Variants in CREBBP observed in about 807,000 individuals in gnomAD.
The protein encoded by CREBBP is CREB-binding protein.
In CREBBP, 19 loss-of-function variants were observed where a neutral mutation model predicts 265.0. The observed-to-expected ratio is 0.07, with a 90% CI of 0.05 to 0.11. The LOEUF (loss-of-function observed/expected upper bound fraction) is 0.11, where lower values mean the gene tolerates loss of function less well. Ranked by LOEUF, CREBBP falls within the 10% of genes least tolerant of loss-of-function variation. The probability of loss-of-function intolerance (pLI) is 1.00; values close to 1 mark genes in which losing one functional copy is unlikely to be tolerated. For synonymous variants in CREBBP, 1,457 were observed against 1,223.7 expected, an observed-to-expected ratio of 1.19 and a Z score of -3.98; for missense variants, 2,525 against 3,219.0, an observed-to-expected ratio of 0.78 and a Z score of 5.22.
intron 2 of CREBBP, among the ~76,000 whole-genome samples, chr16:3,829,125 C>T (rs2054294662): frequency 1.3e-5 from 2 of 151,370 alleles, no homozygotes; most frequent in African/African-American, 4.9e-5. Context: ...GACAGATGGA[C>T]AGCAAATTAC....
chr16:3,728,458 G>A lies in CREBBP; in HGVS notation c.6589C>T (p.Leu2197=), dbSNP rs750753767. Residue 2197 remains leucine, a synonymous_variant, in exon 31 of 31, where the codon CTG becomes TTG. Transcript: ENST00000262367. This position sits in a 1 kb window ranked among gnomAD's most constrained non-coding sequence, Gnocchi z 8.7. ...PQYREMLRRQ[L]LQQQQQQQQQ... Reference sequence around the variant, plus strand: ...TGCTGTTGCTGCTGCTGCTGCAGCAGCTGCCTCCGTAACATTTCTCGGTAC... The same window carrying A: ...TGCTGTTGCTGCTGCTGCTGCAGCAACTGCCTCCGTAACATTTCTCGGTAC... 6.2e-7 allele frequency: 1 copy of A among 1,613,838 alleles called. No homozygotes were observed. The highest frequency in any genetic ancestry group is 1.7e-5 in the Admixed American group (1 of 60,028).
At chr16:3,801,728 G>A (rs1409258383) in intron 3 of CREBBP, among the ~76,000 whole-genome samples, 1 of 152,144 alleles carries the variant, frequency 6.6e-6, no homozygotes, top group East Asian at 1.9e-4. Flanking sequence ...GTGTGATGCT[G>A]GTAATCGGGT....
chr16:3,862,789 C>CT (rs1264795814), intron 1 of CREBBP, among the ~76,000 whole-genome samples: 2 of 152,180 alleles, frequency 1.3e-5, no homozygotes, highest in East Asian at 3.9e-4. Flanking sequence ...CCAGCTTTGC[C>CT]TGCCTGCCTT....
At chr16:3,783,923 C>T (rs1377460066) in intron 5 of CREBBP, among the ~76,000 whole-genome samples, 1 of 152,210 alleles carries the variant, frequency 6.6e-6, no homozygotes, top group Non-Finnish European at 1.5e-5. Flanking sequence ...ACCCACCTAC[C>T]TACCCACCTG....
In CREBBP at chr16:3,788,060, G is replaced by C. The variant is rs549102326; in HGVS notation, c.1330+3921C>G. 1.4e-3 allele frequency among the ~76,000 whole-genome samples: 207 copies of C among 152,342 alleles called. 1 individual carries two copies. Among genetic ancestry groups the C allele is most frequent in the Non-Finnish European group, 1.9e-3 (127 of 68,018 alleles). On this transcript the variant is annotated intron_variant, in intron 5 of 30. Transcript: ENST00000262367. ...AAGCAGTGGGAGCTACACTCATGGA[G>C]ATGCCGGGCAGCAGCTGGGGCCATG... is the stretch of plus-strand genomic sequence containing the variant.
chr16:3,758,985 C>T lies in CREBBP; in HGVS notation c.3251-13G>A, dbSNP rs1347139615. 1 of 1,585,360 alleles carries T rather than the reference C, an allele frequency of 6.3e-7. No homozygotes were observed. Among genetic ancestry groups the T allele is most frequent in the South Asian group, 1.1e-5 (1 of 90,520 alleles). On this transcript the variant is annotated splice_polypyrimidine_tract_variant and intron_variant, in intron 16 of 30. Coordinates refer to ENST00000262367, the MANE Select transcript of CREBBP (RefSeq NM_004380.3). ...TCTGGTTTAAAGACTGCAGAGAAAA[C>T]ATCAAGAAAAGACACTTTGTAAAAG...
chr16:3,779,148 CAG>C (rs2053215770), intron 8 of CREBBP, among the ~76,000 whole-genome samples: 2 of 148,058 alleles, frequency 1.4e-5, no homozygotes. Flanking sequence ...GCCTGGGCGA[CAG>C]AGTCAGACTC....
At chr16:3,805,449 A>C (rs1306021106) in intron 3 of CREBBP, among the ~76,000 whole-genome samples, 1 of 152,228 alleles carries the variant, frequency 6.6e-6, no homozygotes, top group Non-Finnish European at 1.5e-5. Flanking sequence ...TGATTTTACA[A>C]TTTCTACTTG....
rs61731377 is a variant in CREBBP at position 3,769,231 on chromosome 16, G to C, written c.3003C>G (p.Thr1001=). 2.5e-6 allele frequency: 4 copies of C among 1,613,966 alleles called. No homozygotes were observed. Among genetic ancestry groups the C allele is most frequent in the Admixed American group, 1.7e-5 (1 of 59,986 alleles). Residue 1001 remains threonine, a synonymous_variant, in exon 15 of 31, where the codon ACC becomes ACG. Transcript: ENST00000262367. ...GATCGGGCTCAGTGTCCTCTGCTTG[G>C]GTCTCCGTCTTCATTTCCAGCACAG... is the stretch of plus-strand genomic sequence containing the variant. ...DVPVLEMKTE[T]QAEDTEPDPG... is the part of the protein sequence containing the mutation.
chr16:3,751,627 A>C, intron 20 of CREBBP, 99 bp downstream of exon 20: 4 of 1,222,382 alleles, frequency 3.3e-6, no homozygotes, highest in Non-Finnish European at 4.8e-6. Context: ...AAGGAAGTCA[A>C]AATGGCACCG....
intron 24 of CREBBP, 96 bp downstream of exon 24, chr16:3,740,303 G>A (rs1312332546): frequency 2.0e-6 from 3 of 1,482,336 alleles, no homozygotes; most frequent in Admixed American, 1.7e-5. Flanking sequence ...AGTCTTGGAA[G>A]GATGACCTCA....
At chr16:3,747,373 G>A (rs192786851) in intron 21 of CREBBP, among the ~76,000 whole-genome samples, 9 of 152,334 alleles carry the variant, frequency 5.9e-5, no homozygotes, top group Admixed American at 2.0e-4. Context: ...TAGGGGCCTT[G>A]TAGTTTTATT....
intron 30 of CREBBP, among the ~76,000 whole-genome samples, chr16:3,730,299 G>C (rs1299381976): frequency 1.3e-5 from 2 of 152,140 alleles, no homozygotes; most frequent in African/African-American, 4.8e-5. Flanking sequence ...GCCACAGCCT[G>C]TCCAACTCCT....
At chr16:3,766,837 T>C (rs1488204053) in intron 16 of CREBBP, among the ~76,000 whole-genome samples, 1 of 152,144 alleles carries the variant, frequency 6.6e-6, no homozygotes, top group East Asian at 1.9e-4. Context: ...TTCTCAACTT[T>C]AGTTTCCAGT....
chr16:3,880,565 G>C lies in CREBBP; in HGVS notation c.-649C>G, dbSNP rs1462210686. ...CCGAGAGGCGAGCGGGGCCGCCGGG[G>C]CGGGCGCCGAGGGCCGGGCGGAGCG... On this transcript the variant is annotated 5_prime_UTR_variant, in exon 1 of 31. Transcript: ENST00000262367. 1 of 146,058 alleles carries C rather than the reference G, an allele frequency of 6.8e-6. No homozygotes were observed. Among genetic ancestry groups the C allele is most frequent in the Non-Finnish European group, 1.5e-5 (1 of 65,600 alleles). The allele number at this position is 146,058 out of a possible 1,614,324, so 9.0% of individuals were successfully genotyped here.
At chr16:3,871,620 G>T (rs546076323) in intron 1 of CREBBP, among the ~76,000 whole-genome samples, 10 of 152,124 alleles carry the variant, frequency 6.6e-5, no homozygotes, top group Non-Finnish European at 1.3e-4. Context: ...TTATCATACA[G>T]AACAGTGACT....
rs1423535741 is a variant in CREBBP at position 3,740,840 on chromosome 16, G to T, written c.3983-291C>A. The T allele has an allele frequency of 8.5e-5, 38 of 445,810 alleles. No homozygotes were observed. In the East Asian group the frequency reaches 1.7e-3, roughly 20 times the overall value. The allele number at this position is 445,810 out of a possible 1,614,324, so 27.6% of individuals were successfully genotyped here. A position where few individuals can be genotyped will look rare whatever the true frequency, so the allele number is the denominator to read the frequency against. On this transcript the variant is annotated intron_variant, in intron 23 of 30. Coordinates refer to ENST00000262367, the MANE Select transcript of CREBBP (RefSeq NM_004380.3). ...GACCTATAGCGGTGGGTCCAAAATT[G>T]ACAGGGGCTCTAGGGCGGAGCAGAT...
At chr16:3,811,177 G>C (rs1264975442) in intron 2 of CREBBP, among the ~76,000 whole-genome samples, 1 of 152,126 alleles carries the variant, frequency 6.6e-6, no homozygotes, top group African/African-American at 2.4e-5. Context: ...TTCCCCATCA[G>C]ATTTGAACTA....
intron 3 of CREBBP, among the ~76,000 whole-genome samples, chr16:3,794,572 C>T (rs376298407): frequency 1.3e-5 from 2 of 152,112 alleles, no homozygotes; most frequent in Non-Finnish European, 2.9e-5. Flanking sequence ...GCATTCTTGT[C>T]CTATGCTTTG....
Sources: allele counts gnomAD v4.1 joint callset (sites outside exome capture counted in the v4.1 genomes callset), GRCh38; gene constraint gnomAD v4.1.1; non-coding constraint Gnocchi (gnomAD v3.1); transcripts MANE v1.5; gene names NCBI Gene and HGNC (gene_info 2026-07-23, HGNC 2026-07-21).